Variants in ARNT2 observed in about 807,000 individuals in gnomAD.
ARNT2 encodes the protein aryl hydrocarbon receptor nuclear translocator 2, also known as ARNT protein 2.
Under a neutral mutation model 91.7 loss-of-function variants are expected in ARNT2, and 36 were observed. That is an observed-to-expected ratio of 0.39 (90% CI 0.30 to 0.52). ARNT2 has a LOEUF of 0.52. ARNT2 is among the 20% of genes least tolerant of loss of function. The pLI is 0.72. For synonymous variants in ARNT2, 365 were observed against 347.1 expected, an observed-to-expected ratio of 1.05 and a Z score of -0.57; for missense variants, 775 against 939.3, an observed-to-expected ratio of 0.83 and a Z score of 2.29.
chr15:80,444,334 G>A (rs1189820282), intron 1 of ARNT2: 1 of 152,946 alleles, frequency 6.5e-6, no homozygotes, highest in African/African-American at 2.5e-5. Context: ...GGTGGGCGGT[G>A]TGTGTGGTTT....
Position 80,404,591 on chromosome 15 carries a change from CT to C in ARNT2, c.31+47del. Reference sequence around the variant, plus strand: ...CCGCCGCCCGCCGCAGCCCGCAGGCCTTGCCCGGGGCCGGAGCGGACCAGGC... The same window carrying C: ...CCGCCGCCCGCCGCAGCCCGCAGGCCTGCCCGGGGCCGGAGCGGACCAGGC... On this transcript the variant is annotated intron_variant, in intron 1 of 18. Transcript: ENST00000303329. This position sits in a 1 kb window ranked among gnomAD's most constrained non-coding sequence, Gnocchi z 5.5. 9.6e-7 allele frequency: 1 copy of C among 1,044,552 alleles called. No individual in the cohort carries two copies. The highest frequency in any genetic ancestry group is 1.2e-6 in the Non-Finnish European group (1 of 869,118). The allele number at this position is 1,044,552 out of a possible 1,614,324, so 64.7% of individuals were successfully genotyped here. A position where few individuals can be genotyped will look rare whatever the true frequency, so the allele number is the denominator to read the frequency against.
At chr15:80,535,733 T>TTTG (rs145001894) in intron 8 of ARNT2, among the ~76,000 whole-genome samples, 45,294 of 150,770 alleles carry the variant, frequency 0.3, 7,220 homozygotes, top group Non-Finnish European at 0.34. Context: ...CACAGGTTTT[T>TTTG]TTTTTTTTTG....
intron 6 of ARNT2, 28 bp downstream of exon 6, chr15:80,508,286 C>T: frequency 5.6e-6 from 9 of 1,611,164 alleles, no homozygotes; most frequent in Non-Finnish European, 7.6e-6. Context: ...AGCAGGCCAT[C>T]AGGTGGTTGG....
At chr15:80,440,337 A>G (rs1896169501) in intron 1 of ARNT2, among the ~76,000 whole-genome samples, 1 of 152,172 alleles carries the variant, frequency 6.6e-6, no homozygotes. Flanking sequence ...TTGCTCCAGA[A>G]TCATATCCTT....
At chr15:80,433,371 T>G (rs1000044569) in intron 1 of ARNT2, among the ~76,000 whole-genome samples, 3 of 151,668 alleles carry the variant, frequency 2.0e-5, no homozygotes, top group Non-Finnish European at 4.4e-5. Context: ...CTGCAACCTC[T>G]GCCTCCCAGG....
chr15:80,577,631 G>A lies in ARNT2; in HGVS notation c.1613+666G>A, dbSNP rs529857736. Among the ~76,000 whole-genome samples the A allele has an allele frequency of 2.0e-5, 3 of 152,346 alleles. No individual in the cohort carries two copies. The South Asian group carries it at 6.2e-4, about 32-fold the overall frequency. ...CACCAGACACCCTAAAGTTCCTCAT[G>A]CCCAGCAGGGCAGGGCTTCTCCAGT... On this transcript the variant is annotated intron_variant, in intron 15 of 18. Coordinates refer to ENST00000303329, the MANE Select transcript of ARNT2 (RefSeq NM_014862.4).
intron 2 of ARNT2, 117 bp from the exon 3 acceptor site, chr15:80,457,812 T>C (rs1171885181): frequency 9.1e-7 from 1 of 1,100,814 alleles, no homozygotes; most frequent in East Asian, 2.4e-5. Context: ...CTGCCAAAGG[T>C]TGGGATCAAT....
chr15:80,508,882 A>C (rs1260532487), intron 6 of ARNT2, among the ~76,000 whole-genome samples: 1 of 152,208 alleles, frequency 6.6e-6, no homozygotes, highest in African/African-American at 2.4e-5. Context: ...ATGTCGTTGA[A>C]GAAGAGAGAG....
intron 1 of ARNT2, among the ~76,000 whole-genome samples, chr15:80,430,586 G>A (rs981139170): frequency 6.6e-6 from 1 of 152,174 alleles, no homozygotes; most frequent in Non-Finnish European, 1.5e-5. Context: ...GCTGCAAATA[G>A]CCTCAGTCCC....
intron 1 of ARNT2, among the ~76,000 whole-genome samples, chr15:80,408,213 CT>C (rs1895629279): frequency 6.6e-6 from 1 of 152,150 alleles, no homozygotes; most frequent in African/African-American, 2.4e-5. Flanking sequence ...GATTGGATAT[CT>C]TTGATATGCC....
At chr15:80,430,843 C>A (rs1208904381) in intron 1 of ARNT2, among the ~76,000 whole-genome samples, 1 of 152,146 alleles carries the variant, frequency 6.6e-6, no homozygotes, top group African/African-American at 2.4e-5. Flanking sequence ...CAGCAGTGGG[C>A]ACAGATATGC....
chr15:80,407,008 C>T (rs147915896), intron 1 of ARNT2, among the ~76,000 whole-genome samples: 587 of 152,272 alleles, frequency 3.9e-3, no homozygotes, highest in African/African-American at 0.013. Flanking sequence ...ACAAAAAGAG[C>T]CATGGTACCC....
At chr15:80,521,882 C>T (rs1010011440) in intron 8 of ARNT2, among the ~76,000 whole-genome samples, 1 of 151,978 alleles carries the variant, frequency 6.6e-6, no homozygotes, top group East Asian at 1.9e-4. Flanking sequence ...GATAATGATC[C>T]AAGTCCTATC....
chr15:80,471,485 G>T (rs1465172000), intron 4 of ARNT2, among the ~76,000 whole-genome samples: 3 of 152,106 alleles, frequency 2.0e-5, no homozygotes, highest in South Asian at 4.1e-4. Context: ...CGTGACATGA[G>T]TTTACTCCCT....
Position 80,410,644 on chromosome 15 carries a change from A to G in ARNT2, c.31+6098A>G, listed in dbSNP as rs8041826. Among the ~76,000 whole-genome samples, 39,604 of 152,044 alleles carry G rather than the reference A, an allele frequency of 0.26. 6,807 individuals carry two copies. The highest frequency in any genetic ancestry group is 0.49 in the African/African-American group (20,419 of 41,430). Reference sequence around the variant, plus strand: ...TTGGTCCAAGTACCATAGTTCCCAAACAATGCTTGCATTTACTGCTTTATT... The same window carrying G: ...TTGGTCCAAGTACCATAGTTCCCAAGCAATGCTTGCATTTACTGCTTTATT... On this transcript the variant is annotated intron_variant, in intron 1 of 18. Transcript: ENST00000303329.
intron 16 of ARNT2, 26 bp from the exon 17 acceptor site, chr15:80,581,213 A>G (rs765783089): frequency 1.2e-6 from 2 of 1,611,316 alleles, no homozygotes; most frequent in Non-Finnish European, 1.7e-6. Context: ...GATGCTTTCC[A>G]TCTCTTTGCT....
At chr15:80,574,706 A>T (rs1157065871) in intron 13 of ARNT2, among the ~76,000 whole-genome samples, 1 of 152,054 alleles carries the variant, frequency 6.6e-6, no homozygotes, top group Non-Finnish European at 1.5e-5. Context: ...TATTTAGAGT[A>T]AGTTGATTGT....
At chr15:80,425,728 G>T (rs796726846) in intron 1 of ARNT2, among the ~76,000 whole-genome samples, 41 of 148,440 alleles carry the variant, frequency 2.8e-4, no homozygotes, top group Admixed American at 1.5e-3. Flanking sequence ...TTTTTTTTTT[G>T]TTGTTTGTTT....
intron 1 of ARNT2, among the ~76,000 whole-genome samples, chr15:80,433,247 A>ATTTTATTTTATTTTATTTTAT (rs1567178277): frequency 5.7e-5 from 4 of 70,232 alleles, no homozygotes; most frequent in Non-Finnish European, 1.1e-4. Context: ...ATTTTATTTT[A>ATTTTATTTTATTTTATTTTAT]TTTTATTTTA....
Sources: allele counts gnomAD v4.1 joint callset (sites outside exome capture counted in the v4.1 genomes callset), GRCh38; gene constraint gnomAD v4.1.1; non-coding constraint Gnocchi (gnomAD v3.1); transcripts MANE v1.5; gene names NCBI Gene and HGNC (gene_info 2026-07-23, HGNC 2026-07-21).